Variants in PXDN observed in about 807,000 individuals in gnomAD.
PXDN encodes peroxidasin homolog.
A neutral mutation model predicts 140.3 loss-of-function variants in PXDN; 77 were observed. The ratio of observed to expected loss-of-function variants is 0.55; its 90% confidence interval spans 0.46 to 0.66. The LOEUF is 0.66. Ranked by LOEUF, PXDN falls within the 30% of genes least tolerant of loss-of-function variation. PXDN has a pLI of 0.00. For synonymous variants in PXDN, 911 were observed against 857.4 expected (o/e 1.06, Z -1.09); for missense variants, 1,838 against 2,039.5 (o/e 0.90, Z 1.90).
rs370877087 is a variant in PXDN, at chr2:1,648,893, C to T, written c.2887G>A (p.Glu963Lys). Residue 963 changes from glutamate (E) to lysine (K), a missense_variant, in exon 17 of 23, where the codon GAG becomes AAG. Physicochemically the swap from Glu to Lys is moderately conservative, Grantham distance 56 (BLOSUM62 1). This residue lies in a region of PXDN where 850 missense variants were observed against 894.1 expected (regional missense o/e 0.95). Transcript: ENST00000252804. The surrounding 1 kb of genome is among the most constrained non-coding windows in gnomAD (Gnocchi z 8.9). ...TGPPTECMRD[E>K]NESPIPCFLA... is the part of the protein sequence containing the mutation. ...AAGCAGGGGATGGGGCTCTCGTTCT[C>T]GTCCCGCATGCACTCCGTGGGCGGC... 5 of 1,602,162 alleles carry T rather than the reference C, an allele frequency of 3.1e-6. No homozygotes were observed. The highest frequency in any genetic ancestry group is 4.2e-6 in the Non-Finnish European group (5 of 1,177,000).
At position 1,693,074 on chromosome 2, in the gene PXDN, G is replaced by C. The variant is rs771694327; in HGVS notation, c.261C>G (p.Asn87Lys). ...ATATTTCCACTCACAATGTGTTCAA[G>C]TTCCTCAGCCGCCTGAATGCCCCAG... ...IQPGAFRRLRNLNTLLLNNNQ... is the reference protein window; with the variant it reads ...IQPGAFRRLRKLNTLLLNNNQ... The change falls in exon 2 of 23, where the codon AAC (asparagine) becomes AAG (lysine). Residue 87 changes from asparagine to lysine, a missense_variant. Coordinates refer to ENST00000252804, the MANE Select transcript of PXDN (RefSeq NM_012293.3). 2 of 1,553,312 alleles carry C rather than the reference G, an allele frequency of 1.3e-6. No individual in the cohort carries two copies. The highest frequency in any genetic ancestry group is 1.7e-6 in the Non-Finnish European group (2 of 1,145,246).
chr2:1,655,728 A>T (rs1205158703), intron 14 of PXDN, among the ~76,000 whole-genome samples: 3 of 106,986 alleles, frequency 2.8e-5, no homozygotes, highest in African/African-American at 7.5e-5. Flanking sequence ...TGACTGAAAC[A>T]TGCCCCCTTC....
intron 1 of PXDN, among the ~76,000 whole-genome samples, chr2:1,737,476 T>C (rs2125495285): frequency 6.6e-6 from 1 of 152,326 alleles, no homozygotes; most frequent in South Asian, 2.1e-4. Context: ...CTTTTAGATT[T>C]ACTATTTTGC....
chr2:1,742,093 G>C (rs1409069341), intron 1 of PXDN, among the ~76,000 whole-genome samples: 1 of 152,134 alleles, frequency 6.6e-6, no homozygotes, highest in African/African-American at 2.4e-5. Flanking sequence ...TAAAAATCAC[G>C]CGGCTGCAAT....
rs1050739483 is a variant in PXDN at position 1,649,924 on chromosome 2, C to T, written c.2105-249G>A. Among the ~76,000 whole-genome samples, 1 of 152,152 alleles carries T rather than the reference C, an allele frequency of 6.6e-6. No individual in the cohort carries two copies. Among genetic ancestry groups the T allele is most frequent in the African/African-American group, 2.4e-5 (1 of 41,440 alleles). On this transcript the variant is annotated intron_variant, in intron 16 of 22. Coordinates refer to ENST00000252804, the MANE Select transcript of PXDN (RefSeq NM_012293.3). This position sits in a 1 kb window ranked among gnomAD's most constrained non-coding sequence, Gnocchi z 7.1. ...CAGCCCCAGTTTCTGGGCCCTGTCT[C>T]CCCTCCCCACTTAGCAGTCTCATGG...
intron 9 of PXDN, 62 bp from the exon 10 acceptor site, chr2:1,666,548 AT>A: frequency 1.3e-6 from 2 of 1,504,570 alleles, no homozygotes; most frequent in Non-Finnish European, 1.8e-6. Flanking sequence ...TTTTTGCTTG[AT>A]TTTTCCTATG....
chr2:1,708,038 G>C (rs993306478), intron 1 of PXDN, among the ~76,000 whole-genome samples: 1 of 152,220 alleles, frequency 6.6e-6, no homozygotes, highest in Admixed American at 6.5e-5. Flanking sequence ...AACAAGGGGG[G>C]CACGCCCAGG....
intron 1 of PXDN, among the ~76,000 whole-genome samples, chr2:1,726,561 C>G (rs1172593663): frequency 1.3e-5 from 2 of 151,856 alleles, no homozygotes; most frequent in Non-Finnish European, 2.9e-5. Flanking sequence ...CACATGTACC[C>G]TAAAACTTAA....
At chr2:1,729,083 T>C (rs1991164) in intron 1 of PXDN, among the ~76,000 whole-genome samples, 88,329 of 151,916 alleles carry the variant, frequency 0.58, 25,983 homozygotes, top group South Asian at 0.74. Context: ...GAGGCAGAGA[T>C]CAAACAAGAC....
In PXDN at chr2:1,687,614, A is replaced by T. The variant is rs369589728; in HGVS notation, c.416+18T>A. 2.8e-5 allele frequency: 41 copies of T among 1,475,486 alleles called. No individual in the cohort carries two copies. Among genetic ancestry groups the T allele is most frequent in the Non-Finnish European group, 3.8e-5 (40 of 1,065,958 alleles). 91.4% of individuals were successfully genotyped at this position (1,475,486 alleles called of 1,614,324 possible). Reference sequence around the variant, plus strand: ...GACGGCATCCAAGAACTAAAGCACGAAGAGAAGGGGCACTTACAGTTGCTC... The same window carrying T: ...GACGGCATCCAAGAACTAAAGCACGTAGAGAAGGGGCACTTACAGTTGCTC... On this transcript the variant is annotated intron_variant, in intron 4 of 22. Coordinates refer to ENST00000252804, the MANE Select transcript of PXDN (RefSeq NM_012293.3). The surrounding 1 kb of genome is among the most constrained non-coding windows in gnomAD (Gnocchi z 4.0).
At chr2:1,683,907 C>G (rs1572157054) in intron 5 of PXDN, among the ~76,000 whole-genome samples, 173 bp downstream of exon 5, 1 of 152,128 alleles carries the variant, frequency 6.6e-6, no homozygotes, top group East Asian at 1.9e-4. Flanking sequence ...TATCAACACT[C>G]TCAATTAAAG....
intron 3 of PXDN, among the ~76,000 whole-genome samples, chr2:1,688,554 C>T (rs983876204): frequency 5.3e-5 from 8 of 152,198 alleles, no homozygotes; most frequent in African/African-American, 1.9e-4. Flanking sequence ...ACATGACTCG[C>T]CTTCAGCCAG....
At chr2:1,650,151 G>A (rs796735437) in intron 16 of PXDN, among the ~76,000 whole-genome samples, 28 of 152,202 alleles carry the variant, frequency 1.8e-4, no homozygotes, top group African/African-American at 5.5e-4. Context: ...TGCACATCTC[G>A]GTCCACTGAG....
At chr2:1,673,245 A>C (rs917977448) in intron 9 of PXDN, among the ~76,000 whole-genome samples, 1 of 152,226 alleles carries the variant, frequency 6.6e-6, no homozygotes, top group Non-Finnish European at 1.5e-5. Context: ...TCTTTTACAT[A>C]ATCCAAGCCC....
intron 1 of PXDN, among the ~76,000 whole-genome samples, chr2:1,740,210 G>A (rs75508847): frequency 8.1e-4 from 124 of 152,302 alleles, no homozygotes; most frequent in African/African-American, 2.7e-3. Flanking sequence ...GGGAGTCCCC[G>A]GCAGGCGGGC....
At chr2:1,731,938 A>T (rs6758743) in intron 1 of PXDN, among the ~76,000 whole-genome samples, 108,306 of 151,972 alleles carry the variant, frequency 0.71, 38,745 homozygotes, top group Admixed American at 0.78. Flanking sequence ...TTTCTTAAAT[A>T]TGAGCTTGGG....
chr2:1,638,956 G>T lies in PXDN; in HGVS notation c.4096C>A (p.Leu1366Ile). 1 of 1,614,010 alleles carries T rather than the reference G, an allele frequency of 6.2e-7. No individual in the cohort carries two copies. Among genetic ancestry groups the T allele is most frequent in the Non-Finnish European group, 8.5e-7 (1 of 1,179,882 alleles). The part of the protein sequence containing the change: ...IPSVGRQGEH[L>I]SNSTSAFSTR... ...CTGAAGGCTGAGGTGCTGTTGCTGA[G>T]ATGTTCCCCCTGTCTCCCAACACTG... Residue 1366 changes from leucine to isoleucine, a missense_variant, in exon 21 of 23, where the codon CTC (leucine) becomes ATC (isoleucine). Physicochemically the swap from Leu to Ile is conservative, Grantham distance 5. Coordinates refer to ENST00000252804, the MANE Select transcript of PXDN (RefSeq NM_012293.3).
Position 1,672,116 on chromosome 2 carries a change from C to G in PXDN, c.1018+1527G>C, listed in dbSNP as rs373853149. On this transcript the variant is annotated intron_variant, in intron 9 of 22. Coordinates refer to ENST00000252804, the MANE Select transcript of PXDN (RefSeq NM_012293.3). ...GCCTAGGCTTCTGGGCTTCTCAGGG[C>G]TGGTTCCCCCATGCTGCAGTGACTC... 3.9e-5 allele frequency: 6 copies of G among 152,416 alleles called. No homozygotes were observed. In the East Asian group the frequency reaches 1.2e-3, roughly 29 times the overall value. The allele number at this position is 152,416 out of a possible 1,614,324, so 9.4% of individuals were successfully genotyped here.
At chr2:1,656,948 C>T (rs897596060) in intron 14 of PXDN, among the ~76,000 whole-genome samples, 6 of 150,244 alleles carry the variant, frequency 4.0e-5, no homozygotes, top group Non-Finnish European at 7.4e-5. Context: ...CTGTCCCCTC[C>T]TGCCTCAGAC....
Sources: gnomAD v4.1 joint callset for allele counts (sites outside exome capture counted in the v4.1 genomes callset) on GRCh38, gnomAD v4.1.1 for gene constraint, gnomAD v4.1.1 regional missense constraint, Gnocchi (gnomAD v3.1) non-coding constraint, MANE v1.5 for transcripts, NCBI Gene and HGNC (gene_info 2026-07-23, HGNC 2026-07-21) for gene names.